SRP19: variants seen among roughly 807,000 people sequenced by gnomAD.
SRP19 encodes the protein signal recognition particle 19, also known as signal recognition particle 19 kDa protein.
Under a neutral mutation model 22.4 loss-of-function variants are expected in SRP19, and 11 were observed. The ratio of observed to expected loss-of-function variants is 0.49; its 90% CI spans 0.31 to 0.81. SRP19 has a LOEUF of 0.81. SRP19 is among the 40% of genes least tolerant of loss of function. SRP19 has a pLI of 0.05. For synonymous variants in SRP19, 61 were observed against 57.6 expected, an observed-to-expected ratio of 1.06 and a Z score of -0.27; for missense variants, 168 against 175.9, an observed-to-expected ratio of 0.96 and a Z score of 0.25.
At chr5:112,876,033 C>G (rs1315610961) in intron 4 of SRP19, among the ~76,000 whole-genome samples, 1 of 143,486 alleles carries the variant, frequency 7.0e-6, no homozygotes, top group Non-Finnish European at 1.5e-5. Context: ...GACTCCATCT[C>G]AAAAAAAAAA....
rs3822653 is a variant in SRP19, at chr5:112,865,090, A to G, written c.301+358A>G. ...CTTGAGGTCTGTTAATATCTATAAT[A>G]TCTAATGATTCTATCATTAATAAAT... On this transcript the variant is annotated intron_variant, in intron 4 of 4. Coordinates refer to ENST00000505459, the MANE Select transcript of SRP19 (RefSeq NM_003135.3). 7.5e-4 allele frequency: 123 copies of G among 163,334 alleles called. 3 individuals are homozygous for G. In the East Asian group the frequency reaches 8.9e-3, roughly 12 times the overall value. 10.1% of individuals were successfully genotyped at this position (163,334 alleles called of 1,614,324 possible).
intron 4 of SRP19, chr5:112,885,366 A>G (rs1162574326): frequency 5.6e-6 from 1 of 177,212 alleles, no homozygotes; most frequent in Non-Finnish European, 1.2e-5. Context: ...ATCAGTTTTT[A>G]CAAGAGAAAA....
chr5:112,893,094 T>TAAA (rs552226372), downstream of SRP19: 175 of 501,168 alleles, frequency 3.5e-4, no homozygotes, highest in South Asian at 7.5e-4. Flanking sequence ...GTTTTGTTCT[T>TAAA]AAAAAAAAAA....
rs770333428 is a variant in SRP19 at position 112,861,429 on chromosome 5, G to A, written c.41+12G>A. 1 of 1,611,878 alleles carries A rather than the reference G, an allele frequency of 6.2e-7. No homozygotes were observed. Among genetic ancestry groups the A allele is most frequent in the Non-Finnish European group, 8.5e-7 (1 of 1,178,826 alleles). ...GCCGACCAGGACAGGTGGGTTCTGAGGCGGTGGGTCCTCCGAAAGGAAGGG... is the reference window on the plus strand; with the variant it reads ...GCCGACCAGGACAGGTGGGTTCTGAAGCGGTGGGTCCTCCGAAAGGAAGGG... On this transcript the variant is annotated intron_variant, in intron 1 of 4. Transcript: ENST00000505459.
chr5:112,891,320 A>G (rs1768437970), intron 4 of SRP19, among the ~76,000 whole-genome samples: 1 of 152,016 alleles, frequency 6.6e-6, no homozygotes, highest in Admixed American at 6.6e-5. Context: ...TGATCCGCCC[A>G]TTTCGGCCTC....
At chr5:112,877,012 A>G (rs1767915145) in intron 4 of SRP19, 1 of 152,144 alleles carries the variant, frequency 6.6e-6, no homozygotes, top group Admixed American at 6.5e-5. Flanking sequence ...CACCAAGAAA[A>G]CTGTACTTTT....
At position 112,867,745 on chromosome 5, in the gene SRP19, T is replaced by C; in HGVS notation, c.*208T>C. 1 of 1,267,174 alleles carries C rather than the reference T, an allele frequency of 7.9e-7. No homozygotes were observed. The highest frequency in any genetic ancestry group is 3.3e-5 in the South Asian group (1 of 30,308). The allele number at this position is 1,267,174 out of a possible 1,614,324, so 78.5% of individuals were successfully genotyped here. On this transcript the variant is annotated 3_prime_UTR_variant, in exon 5 of 5. Coordinates refer to ENST00000505459, the MANE Select transcript of SRP19 (RefSeq NM_003135.3). ...TCGCGTATATGCCGTATAAAAGAATTTTTTTGTCTTTCAATGCAGTTTTTT... is the reference window on the plus strand; with the variant it reads ...TCGCGTATATGCCGTATAAAAGAATCTTTTTGTCTTTCAATGCAGTTTTTT...
intron 1 of SRP19, among the ~76,000 whole-genome samples, chr5:112,862,049 G>T (rs1240334678): frequency 6.6e-6 from 1 of 152,182 alleles, no homozygotes; most frequent in East Asian, 1.9e-4. Flanking sequence ...CTTGTTATCT[G>T]TTGAGTGTAG....
intron 4 of SRP19, among the ~76,000 whole-genome samples, chr5:112,886,190 C>T (rs540974177): frequency 2.0e-5 from 3 of 152,356 alleles, no homozygotes; most frequent in South Asian, 2.1e-4. Flanking sequence ...TCATTCAAAA[C>T]GTCACAGAGT....
chr5:112,879,918 C>T (rs1326693113), intron 4 of SRP19, among the ~76,000 whole-genome samples: 4 of 151,782 alleles, frequency 2.6e-5, no homozygotes, highest in African/African-American at 9.7e-5. Context: ...CCCCCACCCC[C>T]CACCTCTATT....
intron 1 of SRP19, 131 bp from the exon 2 acceptor site, chr5:112,862,374 AAGG>A (rs112093457): frequency 0.64 from 489,642 of 760,324 alleles, 163,005 homozygotes; most frequent in East Asian, 0.84. Flanking sequence ...CACGCAGAAA[AAGG>A]AGGGGTTGAA....
At chr5:112,895,679 A>T (rs1437579324), downstream of SRP19, 1 of 152,198 alleles carries the variant, frequency 6.6e-6, no homozygotes. Flanking sequence ...TTATGTTAAA[A>T]ATAAAGTTAA....
At chr5:112,864,293 C>T in intron 2 of SRP19, 164 bp from the exon 3 acceptor site, 1 of 614,496 alleles carries the variant, frequency 1.6e-6, no homozygotes, top group Non-Finnish European at 2.9e-6. Flanking sequence ...AGTGTTATTC[C>T]TAGGAATTTT....
chr5:112,892,153 A>G (rs761442929), exon 5 of SRP19: 18 of 1,614,148 alleles, frequency 1.1e-5, no homozygotes, highest in Non-Finnish European at 1.3e-5. Flanking sequence ...AGTAATGGAG[A>G]AGGATCGAGC....
chr5:112,880,895 G>T (rs144492045), intron 4 of SRP19, among the ~76,000 whole-genome samples: 5 of 152,084 alleles, frequency 3.3e-5, no homozygotes, highest in Non-Finnish European at 1.5e-5. Flanking sequence ...TTGAGAGGCC[G>T]AGGTGGGTGG....
At chr5:112,885,939 C>G (rs1177846437) in intron 4 of SRP19, among the ~76,000 whole-genome samples, 1 of 152,184 alleles carries the variant, frequency 6.6e-6, no homozygotes, top group East Asian at 1.9e-4. Context: ...CTACTTCCAT[C>G]CAGCCACTGC....
intron 4 of SRP19, chr5:112,878,695 T>C: frequency 6.5e-7 from 1 of 1,529,108 alleles, no homozygotes; most frequent in Non-Finnish European, 8.9e-7. Context: ...CAAGGCAACA[T>C]TATTAAAATA....
chr5:112,881,805 A>G (rs760837354), intron 4 of SRP19, among the ~76,000 whole-genome samples: 8 of 152,104 alleles, frequency 5.3e-5, no homozygotes, highest in African/African-American at 1.9e-4. Context: ...TCACTCTGTC[A>G]CCCAGGCTGG....
chr5:112,869,975 G>A (rs1018898051), downstream of SRP19, among the ~76,000 whole-genome samples: 7 of 152,044 alleles, frequency 4.6e-5, no homozygotes, highest in Non-Finnish European at 8.8e-5. Flanking sequence ...TTATAAATTG[G>A]ACACAGTAAC....
Sources: allele counts gnomAD v4.1 joint callset (sites outside exome capture counted in the v4.1 genomes callset), GRCh38; gene constraint gnomAD v4.1.1; transcripts MANE v1.5; gene names NCBI Gene and HGNC (gene_info 2026-07-23, HGNC 2026-07-21).